Variants in GRM7 observed in about 807,000 individuals in gnomAD.
The protein encoded by GRM7 is glutamate metabotropic receptor 7.
In GRM7, 35 loss-of-function variants were observed where a neutral mutation model predicts 84.5. The ratio of observed to expected loss-of-function variants is 0.41; its 90% CI spans 0.32 to 0.55. The LOEUF is 0.55. Among genes scored for constraint, GRM7 ranks in the 20% least tolerant of loss-of-function variants. The probability of loss-of-function intolerance (pLI) is 0.19; values close to 1 mark genes in which losing one functional copy is unlikely to be tolerated. For missense variants in GRM7, 1,003 were observed against 1,194.6 expected, an observed-to-expected ratio of 0.84 and a Z score of 2.36; for synonymous variants, 487 against 455.1, an observed-to-expected ratio of 1.07 and a Z score of -0.89.
intron 7 of GRM7, among the ~76,000 whole-genome samples, chr3:7,504,426 A>G (rs1398838947): frequency 6.6e-6 from 1 of 152,192 alleles, no homozygotes; most frequent in Non-Finnish European, 1.5e-5. Context: ...CTCTATCAAC[A>G]TATATCTTAG....
At chr3:7,608,009 T>A in intron 8 of GRM7, 2 of 319,846 alleles carry the variant, frequency 6.3e-6, no homozygotes, top group East Asian at 1.1e-4. Flanking sequence ...CAGCATCAGT[T>A]TGCTAAGGAT....
intron 1 of GRM7, among the ~76,000 whole-genome samples, chr3:6,871,905 T>C (rs1483576626): frequency 6.6e-6 from 1 of 151,684 alleles, no homozygotes; most frequent in Admixed American, 6.6e-5. Context: ...TTCAGTAGAG[T>C]TGGCATAATA....
chr3:7,095,992 T>G (rs1343241143), intron 1 of GRM7, among the ~76,000 whole-genome samples: 1 of 152,186 alleles, frequency 6.6e-6, no homozygotes, highest in Non-Finnish European at 1.5e-5. Flanking sequence ...TCACACAGTT[T>G]ACTGCTTTTA....
intron 1 of GRM7, among the ~76,000 whole-genome samples, chr3:7,057,960 G>A (rs1483469939): frequency 1.3e-5 from 2 of 151,908 alleles, no homozygotes; most frequent in African/African-American, 4.8e-5. Context: ...ATAATATGTG[G>A]TTTTCGGTTC....
intron 1 of GRM7, among the ~76,000 whole-genome samples, chr3:7,061,754 T>C (rs1425474199): frequency 1.3e-5 from 2 of 151,664 alleles, no homozygotes; most frequent in African/African-American, 4.8e-5. Flanking sequence ...CACAACCTCA[T>C]GTAATAACCT....
At chr3:7,149,558 CA>C (rs1694214105) in intron 2 of GRM7, among the ~76,000 whole-genome samples, 3 of 152,094 alleles carry the variant, frequency 2.0e-5, no homozygotes, top group Non-Finnish European at 2.9e-5. Flanking sequence ...TCGAAAAAGT[CA>C]CCCTCACAAA....
chr3:7,246,842 A>C (rs535916462), intron 2 of GRM7, among the ~76,000 whole-genome samples: 1 of 152,292 alleles, frequency 6.6e-6, no homozygotes, highest in Non-Finnish European at 1.5e-5. Flanking sequence ...ATGAGCTAGA[A>C]CAGTCACTAG....
rs118131888 is a variant in GRM7, at chr3:7,478,267, C to T, written c.1515+16545C>T. ...GGGACCCACTGACCTGTTGAAAAACCGTATGTTCTTGCTGTCTTAGGTGGA... is the reference window on the plus strand; with the variant it reads ...GGGACCCACTGACCTGTTGAAAAACTGTATGTTCTTGCTGTCTTAGGTGGA... On this transcript the variant is annotated intron_variant, in intron 7 of 9. Transcript: ENST00000357716. Among the ~76,000 whole-genome samples, 7 of 152,216 alleles carry T rather than the reference C, an allele frequency of 4.6e-5. No homozygotes were observed. In the East Asian group the frequency reaches 1.2e-3, roughly 25 times the overall value.
At chr3:7,405,883 T>G (rs1695654096) in intron 4 of GRM7, among the ~76,000 whole-genome samples, 1 of 152,060 alleles carries the variant, frequency 6.6e-6, no homozygotes, top group African/African-American at 2.4e-5. Context: ...TCATCTAATA[T>G]GTCAACAGTG....
At position 7,353,365 on chromosome 3, in the gene GRM7, T is replaced by C. The variant is rs570763475; in HGVS notation, c.1033+46713T>C. On this transcript the variant is annotated intron_variant, in intron 4 of 9. Transcript: ENST00000357716. ...GGGATAATAGTGGAAGGAACAAAAG[T>C]TGGATCAGGCTAAATGTATTGATAT... 3.3e-5 allele frequency among the ~76,000 whole-genome samples: 5 copies of C among 152,184 alleles called. No individual in the cohort carries two copies. In the South Asian group the frequency reaches 1.0e-3, roughly 32 times the overall value.
At chr3:7,055,133 T>G (rs986922915) in intron 1 of GRM7, among the ~76,000 whole-genome samples, 1 of 152,006 alleles carries the variant, frequency 6.6e-6, no homozygotes, top group African/African-American at 2.4e-5. Context: ...TTGGATGATG[T>G]CTTAATTTAT....
intron 4 of GRM7, among the ~76,000 whole-genome samples, chr3:7,328,924 C>T (rs1290231226): frequency 2.0e-5 from 3 of 152,088 alleles, no homozygotes; most frequent in South Asian, 2.1e-4. Flanking sequence ...CTACCTTCCG[C>T]CTTATGAGAC....
chr3:7,250,315 T>C (rs1268995544), intron 2 of GRM7, among the ~76,000 whole-genome samples: 2 of 152,106 alleles, frequency 1.3e-5, no homozygotes, highest in African/African-American at 2.4e-5. Context: ...GAGGTTATAA[T>C]TGTTCTTCTC....
chr3:7,208,154 G>A (rs557302181), intron 2 of GRM7, among the ~76,000 whole-genome samples: 86 of 152,238 alleles, frequency 5.6e-4, no homozygotes, highest in Non-Finnish European at 4.6e-4. Flanking sequence ...CCACCCATTC[G>A]ATACCTCTCC....
At chr3:7,609,619 TCTATGAGATATAAATGGAGTAAA>T (rs1438528569) in intron 8 of GRM7, among the ~76,000 whole-genome samples, 3 of 151,928 alleles carry the variant, frequency 2.0e-5, no homozygotes, top group Non-Finnish European at 4.4e-5. Context: ...AAACTTCTGT[TCTATGAGATATAAATGGAGTAAA>T]TGAAGGCCAG....
intron 2 of GRM7, among the ~76,000 whole-genome samples, chr3:7,276,441 A>G (rs1699060116): frequency 6.6e-6 from 1 of 151,872 alleles, no homozygotes; most frequent in Admixed American, 6.6e-5. Flanking sequence ...TTGCATGGCG[A>G]TCCTCCCTAC....
At chr3:7,130,008 T>C (rs1181828683) in intron 1 of GRM7, among the ~76,000 whole-genome samples, 1 of 152,126 alleles carries the variant, frequency 6.6e-6, no homozygotes. Flanking sequence ...AGAGATGTGA[T>C]TCGAATTGTT....
At chr3:6,887,519 T>C (rs968735947) in intron 1 of GRM7, among the ~76,000 whole-genome samples, 8 of 152,130 alleles carry the variant, frequency 5.3e-5, no homozygotes, top group Non-Finnish European at 1.2e-4. Context: ...CTGAGAATGA[T>C]GATTTCCAAT....
chr3:7,206,374 T>G (rs539448006), intron 2 of GRM7, among the ~76,000 whole-genome samples: 1 of 152,348 alleles, frequency 6.6e-6, no homozygotes, highest in Non-Finnish European at 1.5e-5. Context: ...TCATTAATAA[T>G]TGATAATTAG....
Sources: gnomAD v4.1 joint callset for allele counts (sites outside exome capture counted in the v4.1 genomes callset) on GRCh38, gnomAD v4.1.1 for gene constraint, MANE v1.5 for transcripts, NCBI Gene and HGNC (gene_info 2026-07-23, HGNC 2026-07-21) for gene names.